ROM1: variants seen among roughly 807,000 people sequenced by gnomAD.
The protein encoded by ROM1 is retinal outer segment membrane protein 1, also known as rod outer segment membrane protein 1.
ROM1 carries 17 observed loss-of-function variants against 23.0 expected under a neutral mutation model. The ratio of observed to expected loss-of-function variants is 0.74; its 90% CI spans 0.51 to 1.11. ROM1 has a LOEUF of 1.11. ROM1 is among the 50% of genes least tolerant of loss of function. The pLI, the probability that ROM1 is intolerant of heterozygous loss-of-function variation, is 0.00. For missense variants in ROM1, 436 were observed against 439.7 expected (o/e 0.99, Z 0.08); for synonymous variants, 200 against 206.5 (o/e 0.97, Z 0.27).
chr11:62,614,274 G>A lies in ROM1; in HGVS notation c.607G>A (p.Val203Ile), dbSNP rs1412086776. 6.2e-7 allele frequency: 1 copy of A among 1,613,948 alleles called. No individual in the cohort carries two copies. The highest frequency in any genetic ancestry group is 8.5e-7 in the Non-Finnish European group (1 of 1,180,018). ...RDVADRIQSNVEGLYLTDGVP... is the reference protein window; with the variant it reads ...RDVADRIQSNIEGLYLTDGVP... ...CCTTTGCAGCCGGATCCAGAGCAATGTAGAAGGCCTATACCTGACTGATGG... is the reference window on the plus strand; with the variant it reads ...CCTTTGCAGCCGGATCCAGAGCAATATAGAAGGCCTATACCTGACTGATGG... Residue 203 changes from valine to isoleucine, a missense_variant, in exon 2 of 3, where the codon GTA (valine) becomes ATA (isoleucine). Physicochemically the swap from Val to Ile is conservative, Grantham distance 29. Coordinates refer to ENST00000278833, the MANE Select transcript of ROM1 (RefSeq NM_000327.4).
At chr11:62,614,087 C>G (rs781724853) in intron 1 of ROM1, among the ~76,000 whole-genome samples, 171 bp from the exon 2 acceptor site, 10 of 152,138 alleles carry the variant, frequency 6.6e-5, no homozygotes, top group Non-Finnish European at 1.3e-4. Flanking sequence ...AATAATAGTA[C>G]TTATCTGATA....
Position 62,614,347 on chromosome 11 carries a change from A to C in ROM1, c.680A>C (p.Gln227Pro), listed in dbSNP as rs1942975796. Residue 227 changes from glutamine to proline, a missense_variant, in exon 2 of 3, where the codon CAA becomes CCA. Gln to Pro is a moderately conservative substitution (Grantham distance 76). Coordinates refer to ENST00000278833, the MANE Select transcript of ROM1 (RefSeq NM_000327.4). ...CCCCACTCACCCCGGCCTTGCCTGC[A>C]AAACCGTCTTTCAGACTCCTACGCC... Reference protein sequence around the residue: ...CNPHSPRPCLQNRLSDSYAHP... With the variant: ...CNPHSPRPCLPNRLSDSYAHP... 6.2e-7 allele frequency: 1 copy of C among 1,613,878 alleles called. No individual in the cohort carries two copies. Among genetic ancestry groups the C allele is most frequent in the Non-Finnish European group, 8.5e-7 (1 of 1,179,954 alleles).
intron 1 of ROM1, 70 bp downstream of exon 1, chr11:62,613,941 C>T: frequency 1.9e-6 from 3 of 1,606,998 alleles, no homozygotes; most frequent in Non-Finnish European, 2.5e-6. Context: ...TGCCTTGAAT[C>T]CCCACCTCGC....
rs934233533 is a variant in ROM1 at position 62,614,974 on chromosome 11, A to G, written c.*135A>G. 3 of 722,644 alleles carry G rather than the reference A, an allele frequency of 4.2e-6. No homozygotes were observed. The highest frequency in any genetic ancestry group is 1.7e-5 in the South Asian group (1 of 58,004). The allele number at this position is 722,644 out of a possible 1,614,324, so 44.8% of individuals were successfully genotyped here. On this transcript the variant is annotated 3_prime_UTR_variant, in exon 3 of 3. Coordinates refer to ENST00000278833, the MANE Select transcript of ROM1 (RefSeq NM_000327.4). Reference sequence around the variant, plus strand: ...GATAGTCAGCGAGCTGGACTGGGGTAAGAAAGAAAACCAGATGTCCTAGGG... The same window carrying G: ...GATAGTCAGCGAGCTGGACTGGGGTGAGAAAGAAAACCAGATGTCCTAGGG...
rs1414298966 is a variant in ROM1 at position 62,614,692 on chromosome 11, A to G, written c.909A>G (p.Gly303=). The change falls in exon 3 of 3, where the codon GGA becomes GGG. Residue 303 remains glycine, a synonymous_variant. Coordinates refer to ENST00000278833, the MANE Select transcript of ROM1 (RefSeq NM_000327.4). ...GGCTTGGAGGGGTCATTGATGCGGG[A>G]GGAGAGACCCAGGGCTATCTCTTTC... The part of the protein sequence containing the change: ...LEGLGGVIDA[G]GETQGYLFPS... 1.2e-6 allele frequency: 2 copies of G among 1,614,152 alleles called. No individual in the cohort carries two copies. Among genetic ancestry groups the G allele is most frequent in the Non-Finnish European group, 1.7e-6 (2 of 1,180,018 alleles).
chr11:62,614,536 C>T, intron 2 of ROM1, 32 bp downstream of exon 2: 1 of 1,614,164 alleles, frequency 6.2e-7, no homozygotes, highest in Non-Finnish European at 8.5e-7. Flanking sequence ...CACCTCCTCC[C>T]ACCCGGGACT....
At position 62,614,790 on chromosome 11, in the gene ROM1, A is replaced by G. The variant is rs1472699602; in HGVS notation, c.1007A>G (p.Glu336Gly). ...GGVACRPAPEEAPPGEAPPKE... is the reference protein window; with the variant it reads ...GGVACRPAPEGAPPGEAPPKE... ...GTTGCCTGCAGGCCAGCACCTGAGG[A>G]GGCCCCACCAGGAGAAGCACCTCCC... Residue 336 changes from glutamate (E) to glycine (G), a missense_variant, in exon 3 of 3, where the codon GAG (glutamate) becomes GGG (glycine). Coordinates refer to ENST00000278833, the MANE Select transcript of ROM1 (RefSeq NM_000327.4). The G allele has an allele frequency of 6.2e-7, 1 of 1,614,070 alleles. No individual in the cohort carries two copies. Among genetic ancestry groups the G allele is most frequent in the Non-Finnish European group, 8.5e-7 (1 of 1,180,022 alleles).
At chr11:62,614,217 T>C in intron 1 of ROM1, 41 bp from the exon 2 acceptor site, 1 of 1,609,570 alleles carries the variant, frequency 6.2e-7, no homozygotes, top group South Asian at 1.1e-5. Flanking sequence ...CCCAGGCCTC[T>C]ATCTCCAGAC....
chr11:62,613,708 CACT>C lies in ROM1; in HGVS notation c.430_432del (p.Tyr144del). On this transcript the variant is annotated inframe_deletion, in exon 1 of 3. Transcript: ENST00000278833. ...GGAGGGCCTGGTGACTGCCTTGGCTCACTACAAGGACACAGAGGTGCCTGGGCA... is the reference window on the plus strand; with the variant it reads ...GGAGGGCCTGGTGACTGCCTTGGCTCACAAGGACACAGAGGTGCCTGGGCA... The C allele has an allele frequency of 1.2e-6, 2 of 1,614,172 alleles. No individual in the cohort carries two copies. Among genetic ancestry groups the C allele is most frequent in the Non-Finnish European group, 1.7e-6 (2 of 1,180,018 alleles).
At chr11:62,614,192 C>T (rs1018481071) in intron 1 of ROM1, 66 bp from the exon 2 acceptor site, 30 of 1,575,450 alleles carry the variant, frequency 1.9e-5, no homozygotes, top group Non-Finnish European at 2.5e-5. Context: ...AACACCTGTG[C>T]CCTTCAGTCC....
rs1436979694 is a variant in ROM1 at position 62,614,365 on chromosome 11, C to G, written c.698C>G (p.Ser233Cys). 6.2e-7 allele frequency: 1 copy of G among 1,614,124 alleles called. No homozygotes were observed. Among genetic ancestry groups the G allele is most frequent in the South Asian group, 1.1e-5 (1 of 91,084 alleles). The change falls in exon 2 of 3, where the codon TCC becomes TGC. Residue 233 changes from serine to cysteine, a missense_variant. Transcript: ENST00000278833. Reference protein sequence around the residue: ...RPCLQNRLSDSYAHPLFDPRQ... With the variant: ...RPCLQNRLSDCYAHPLFDPRQ... ...TGCCTGCAAAACCGTCTTTCAGACT[C>G]CTACGCCCACCCCCTGTTCGATCCC... is the stretch of plus-strand genomic sequence containing the variant.
chr11:62,614,621 G>C lies in ROM1; in HGVS notation c.838G>C (p.Ala280Pro). Residue 280 changes from alanine to proline, a missense_variant and splice_region_variant, in exon 3 of 3, where the codon GCT (alanine) becomes CCT (proline). Physicochemically the swap from Ala to Pro is conservative, Grantham distance 27. Coordinates refer to ENST00000278833, the MANE Select transcript of ROM1 (RefSeq NM_000327.4). ...CTCTTTCCCCTTGCTTCCCCCACAG[G>C]CTCTGGTGCTCCTTGGCCTGCGGTA... ...SMLAVTFLLQ[A>P]LVLLGLRYLQ... is the part of the protein sequence containing the mutation. The C allele has an allele frequency of 1.2e-6, 2 of 1,614,216 alleles. No individual in the cohort carries two copies. The highest frequency in any genetic ancestry group is 1.7e-6 in the Non-Finnish European group (2 of 1,180,032).
rs927638169 is a variant in ROM1, at chr11:62,614,607, T to G, written c.838-14T>G. ...CTGACTCTCCCTGACTCTTTCCCCTTGCTTCCCCCACAGGCTCTGGTGCTC... is the reference window on the plus strand; with the variant it reads ...CTGACTCTCCCTGACTCTTTCCCCTGGCTTCCCCCACAGGCTCTGGTGCTC... On this transcript the variant is annotated splice_polypyrimidine_tract_variant and intron_variant, in intron 2 of 2. Coordinates refer to ENST00000278833, the MANE Select transcript of ROM1 (RefSeq NM_000327.4). 1 of 1,614,214 alleles carries G rather than the reference T, an allele frequency of 6.2e-7. No individual in the cohort carries two copies. The highest frequency in any genetic ancestry group is 8.5e-7 in the Non-Finnish European group (1 of 1,180,022).
At chr11:62,614,165 A>C in intron 1 of ROM1, 93 bp from the exon 2 acceptor site, 1 of 1,477,296 alleles carries the variant, frequency 6.8e-7, no homozygotes, top group South Asian at 1.1e-5. Context: ...ATGTTTTACT[A>C]TTCTTTTTCC....
Position 62,614,975 on chromosome 11 carries a change from A to T in ROM1, c.*136A>T. 1.4e-6 allele frequency: 1 copy of T among 723,308 alleles called. No individual in the cohort carries two copies. Among genetic ancestry groups the T allele is most frequent in the African/African-American group, 1.8e-5 (1 of 56,532 alleles). The allele number at this position is 723,308 out of a possible 1,614,324, so 44.8% of individuals were successfully genotyped here. A position where few individuals can be genotyped will look rare whatever the true frequency, so the allele number is the denominator to read the frequency against. ...ATAGTCAGCGAGCTGGACTGGGGTA[A>T]GAAAGAAAACCAGATGTCCTAGGGC... On this transcript the variant is annotated 3_prime_UTR_variant, in exon 3 of 3. Coordinates refer to ENST00000278833, the MANE Select transcript of ROM1 (RefSeq NM_000327.4).
Position 62,614,354 on chromosome 11 carries a change from T to TC in ROM1, c.688dup (p.Leu230ProfsTer26). 1.2e-6 allele frequency: 2 copies of TC among 1,614,010 alleles called. No homozygotes were observed. The highest frequency in any genetic ancestry group is 1.7e-6 in the Non-Finnish European group (2 of 1,179,976). On this transcript the variant is annotated frameshift_variant, in exon 2 of 3. Coordinates refer to ENST00000278833, the MANE Select transcript of ROM1 (RefSeq NM_000327.4). LOFTEE classifies it high-confidence loss of function. ...CACCCCGGCCTTGCCTGCAAAACCG[T>TC]CTTTCAGACTCCTACGCCCACCCCC...
chr11:62,614,108 G>A, intron 1 of ROM1, 150 bp from the exon 2 acceptor site: 1 of 1,198,854 alleles, frequency 8.3e-7, no homozygotes, highest in Non-Finnish European at 1.2e-6. Context: ...GAGTTGTTGT[G>A]AAGATGTGAA....
chr11:62,614,259 C>T lies in ROM1; in HGVS notation c.592C>T (p.Arg198Trp), dbSNP rs374387257. ...LDPGDRDVAD[R>W]IQSNVEGLYL... ...ACCCCTCTGTCCCTCCCTTTGCAGC[C>T]GGATCCAGAGCAATGTAGAAGGCCT... The change falls in exon 2 of 3, where the codon CGG (arginine) becomes TGG (tryptophan). Residue 198 changes from arginine to tryptophan, a missense_variant and splice_region_variant. By Grantham distance (101) the Arg-to-Trp change is moderately radical. Coordinates refer to ENST00000278833, the MANE Select transcript of ROM1 (RefSeq NM_000327.4). 2.5e-5 allele frequency: 40 copies of T among 1,613,964 alleles called. No homozygotes were observed. Among genetic ancestry groups the T allele is most frequent in the South Asian group, 5.5e-5 (5 of 91,088 alleles).
chr11:62,613,662 G>T lies in ROM1; in HGVS notation c.381G>T (p.Gly127=). 1 of 1,614,052 alleles carries T rather than the reference G, an allele frequency of 6.2e-7. No individual in the cohort carries two copies. Among genetic ancestry groups the T allele is most frequent in the Non-Finnish European group, 8.5e-7 (1 of 1,179,974 alleles). Residue 127 remains glycine (G), a synonymous_variant, in exon 1 of 3, where the codon GGG becomes GGT. Transcript: ENST00000278833. The part of the protein sequence containing the change: ...VGLGLALALP[G]SLDEALEEGL... ...TCGGGCTAGCCCTGGCTTTGCCTGG[G>T]AGTCTGGATGAGGCGCTGGAGGAGG...
Sources: gnomAD v4.1 joint callset for allele counts (sites outside exome capture counted in the v4.1 genomes callset) on GRCh38, gnomAD v4.1.1 for gene constraint, MANE v1.5 for transcripts, NCBI Gene and HGNC (gene_info 2026-07-23, HGNC 2026-07-21) for gene names.